SLC12A1: variants seen among roughly 807,000 people sequenced by gnomAD.
SLC12A1 encodes the protein solute carrier family 12 member 1.
Under a neutral mutation model 130.4 loss-of-function variants are expected in SLC12A1, and 89 were observed. The observed-to-expected ratio is 0.68, with a 90% CI of 0.58 to 0.81. SLC12A1 has a LOEUF of 0.81. SLC12A1 is among the 40% of genes least tolerant of loss of function. The probability of loss-of-function intolerance (pLI) is 0.00; values close to 1 mark genes in which losing one functional copy is unlikely to be tolerated. For synonymous variants in SLC12A1, 499 were observed against 460.0 expected (o/e 1.08, Z -1.09); for missense variants, 1,310 against 1,336.4 (o/e 0.98, Z 0.31).
Position 48,230,493 on chromosome 15 carries a change from G to C in SLC12A1, c.965G>C (p.Trp322Ser), listed in dbSNP as rs1364586793. The C allele has an allele frequency of 6.2e-7, 1 of 1,602,352 alleles. No individual in the cohort carries two copies. Among genetic ancestry groups the C allele is most frequent in the East Asian group, 2.2e-5 (1 of 44,778 alleles). ...LLGISVAGME[W>S]EAKAQVILLV... ...GGAATTTCAGTAGCTGGAATGGAATGGGAGGCAAAGGTAAATTTCTCAAAA... is the reference window on the plus strand; with the variant it reads ...GGAATTTCAGTAGCTGGAATGGAATCGGAGGCAAAGGTAAATTTCTCAAAA... Residue 322 changes from tryptophan to serine, a missense_variant, in exon 7 of 27, where the codon TGG becomes TCG. Physicochemically the swap from Trp to Ser is radical, Grantham distance 177. Transcript: ENST00000380993.
chr15:48,272,427 T>TTTGTTTGTTTGC (rs1203974408), intron 19 of SLC12A1, among the ~76,000 whole-genome samples: 1 of 152,122 alleles, frequency 6.6e-6, no homozygotes, highest in East Asian at 1.9e-4. Context: ...TTTTTGTTTG[T>TTTGTTTGTTTGC]TTGTTTGTTT....
chr15:48,208,160 C>A, intron 2 of SLC12A1, 21 bp downstream of exon 2: 1 of 1,547,762 alleles, frequency 6.5e-7, no homozygotes, highest in African/African-American at 1.4e-5. Context: ...AGGACACAAG[C>A]AAGTCTCCTC....
intron 4 of SLC12A1, 109 bp from the exon 5 acceptor site, chr15:48,226,367 C>T (rs879033787): frequency 3.1e-6 from 2 of 646,558 alleles, no homozygotes; most frequent in South Asian, 4.5e-5. Context: ...CCGTTGGAGC[C>T]CGAGGCATGG....
In SLC12A1 at chr15:48,274,535, C is replaced by G. The variant is rs914973163; in HGVS notation, c.2403-36C>G. 2.2e-6 allele frequency: 3 copies of G among 1,364,566 alleles called. No homozygotes were observed. In the Admixed American group the frequency reaches 5.1e-5, roughly 23 times the overall value. 84.5% of individuals were successfully genotyped at this position (1,364,566 alleles called of 1,614,324 possible). ...TCCAAAGCTTGAGGATTAAAAGAGC[C>G]ATTTAAAACGCTGACTGCTTTGCTT... On this transcript the variant is annotated intron_variant, in intron 19 of 26. Transcript: ENST00000380993.
intron 15 of SLC12A1, among the ~76,000 whole-genome samples, chr15:48,254,414 C>A (rs2041680041): frequency 6.6e-6 from 1 of 151,812 alleles, no homozygotes. Context: ...GCACAATCAA[C>A]ACTTAATCAA....
chr15:48,248,640 T>C (rs1384855536), intron 13 of SLC12A1, among the ~76,000 whole-genome samples: 1 of 152,282 alleles, frequency 6.6e-6, no homozygotes, highest in Non-Finnish European at 1.5e-5. Flanking sequence ...TTGAGGGTGA[T>C]AGATGTCTGA....
intron 23 of SLC12A1, among the ~76,000 whole-genome samples, chr15:48,291,476 A>G (rs573227387): frequency 6.6e-6 from 1 of 152,194 alleles, no homozygotes; most frequent in African/African-American, 2.4e-5. Flanking sequence ...CTTTCAAATA[A>G]TAAGAAATGT....
Position 48,302,931 on chromosome 15 carries a change from T to C in SLC12A1, c.*46T>C. The C allele has an allele frequency of 1.4e-6, 2 of 1,410,854 alleles. No homozygotes were observed. The highest frequency in any genetic ancestry group is 2.0e-6 in the Non-Finnish European group (2 of 1,009,448). The allele number at this position is 1,410,854 out of a possible 1,614,324, so 87.4% of individuals were successfully genotyped here. A position where few individuals can be genotyped will look rare whatever the true frequency, so the allele number is the denominator to read the frequency against. ...ATTTTAACTTAATGTAATGCATAAT[T>C]AAGAAACATGTTCCAGTACTTTATG... On this transcript the variant is annotated 3_prime_UTR_variant, in exon 27 of 27. Transcript: ENST00000380993.
chr15:48,208,791 A>C (rs1489258075), intron 2 of SLC12A1, among the ~76,000 whole-genome samples: 2 of 152,256 alleles, frequency 1.3e-5, no homozygotes, highest in Non-Finnish European at 2.9e-5. Flanking sequence ...TCGTATAAAA[A>C]GCAAAACACT....
chr15:48,227,824 T>C (rs967841287), intron 5 of SLC12A1: 1 of 152,740 alleles, frequency 6.5e-6, no homozygotes, highest in Non-Finnish European at 1.5e-5. Flanking sequence ...CAGGGCCTTC[T>C]AAAACATCCT....
chr15:48,231,569 G>T (rs577584571), intron 7 of SLC12A1, among the ~76,000 whole-genome samples: 1 of 151,866 alleles, frequency 6.6e-6, no homozygotes, highest in Non-Finnish European at 1.5e-5. Flanking sequence ...TTAACCTCTC[G>T]GTGCTTCAGT....
intron 2 of SLC12A1, among the ~76,000 whole-genome samples, chr15:48,214,164 G>A (rs1446878249): frequency 1.3e-5 from 2 of 152,084 alleles, no homozygotes; most frequent in Non-Finnish European, 2.9e-5. Context: ...ATATTTGTTG[G>A]AGTGAACCTC....
intron 13 of SLC12A1, among the ~76,000 whole-genome samples, chr15:48,247,716 TC>T (rs746066228): frequency 6.6e-6 from 1 of 152,192 alleles, no homozygotes; most frequent in Non-Finnish European, 1.5e-5. Context: ...GAATCCTTCC[TC>T]CCACCTGCCT....
Position 48,303,073 on chromosome 15 carries a change from G to C in SLC12A1, c.*188G>C. 2 of 431,404 alleles carry C rather than the reference G, an allele frequency of 4.6e-6. No individual in the cohort carries two copies. The highest frequency in any genetic ancestry group is 8.0e-6 in the Non-Finnish European group (2 of 248,514). The allele number at this position is 431,404 out of a possible 1,614,324, so 26.7% of individuals were successfully genotyped here. On this transcript the variant is annotated 3_prime_UTR_variant, in exon 27 of 27. Coordinates refer to ENST00000380993, the MANE Select transcript of SLC12A1 (RefSeq NM_000338.3). ...TTTTTTTTCTCTTCTCAGCTTAAGG[G>C]GTTGTCAAAGCCAATGTTATCCCTA... is the stretch of plus-strand genomic sequence containing the variant.
At chr15:48,247,223 T>G in intron 12 of SLC12A1, 114 bp from the exon 13 acceptor site, 2 of 1,088,744 alleles carry the variant, frequency 1.8e-6, no homozygotes, top group Non-Finnish European at 2.7e-6. Context: ...TGTTAACTTG[T>G]GCCTCATCTT....
rs146047294 is a variant in SLC12A1 at position 48,288,899 on chromosome 15, C to G, written c.2873+383C>G. On this transcript the variant is annotated intron_variant, in intron 23 of 26. Coordinates refer to ENST00000380993, the MANE Select transcript of SLC12A1 (RefSeq NM_000338.3). The stretch of plus-strand genomic sequence containing the variant: ...GCTTTTTCTGTGGGAATTCAAAACT[C>G]CTAATTCATGGCAGTCACTCTTAGA... Among the ~76,000 whole-genome samples the G allele has an allele frequency of 4.9e-3, 741 of 152,224 alleles. 8 individuals carry two copies. The highest frequency in any genetic ancestry group is 0.044 in the Middle Eastern group (13 of 294).
At chr15:48,257,568 C>T (rs998639972) in intron 16 of SLC12A1, among the ~76,000 whole-genome samples, 8 of 152,172 alleles carry the variant, frequency 5.3e-5, no homozygotes, top group Non-Finnish European at 8.8e-5. Context: ...ACCCACAGGA[C>T]CAACACCACA....
intron 25 of SLC12A1, among the ~76,000 whole-genome samples, chr15:48,299,662 T>G (rs2042212101): frequency 6.6e-6 from 1 of 152,228 alleles, no homozygotes; most frequent in African/African-American, 2.4e-5. Flanking sequence ...TTTAACCTGA[T>G]GAAGAGATGG....
chr15:48,274,453 A>C lies in SLC12A1; in HGVS notation c.2403-118A>C, dbSNP rs2041929373. The C allele has an allele frequency of 1.5e-5, 11 of 715,668 alleles. No homozygotes were observed. In the East Asian group the frequency reaches 2.2e-4, roughly 14 times the overall value. 44.3% of individuals were successfully genotyped at this position (715,668 alleles called of 1,614,324 possible). On this transcript the variant is annotated intron_variant, in intron 19 of 26. Coordinates refer to ENST00000380993, the MANE Select transcript of SLC12A1 (RefSeq NM_000338.3). ...ATGCATCAGCTCTTGGCTATATTCT[A>C]AGGTGGATTTTAATAGTTTCATTAT...
Sources: allele counts gnomAD v4.1 joint callset (sites outside exome capture counted in the v4.1 genomes callset), GRCh38; gene constraint gnomAD v4.1.1; transcripts MANE v1.5; gene names NCBI Gene and HGNC (gene_info 2026-07-23, HGNC 2026-07-21).